RLF: variants seen among roughly 807,000 people sequenced by gnomAD.
The protein encoded by RLF is zinc finger protein Rlf.
In RLF, 7 loss-of-function variants were observed where a neutral mutation model predicts 162.9. The observed-to-expected ratio is 0.04, with a 90% CI of 0.02 to 0.08. The LOEUF (loss-of-function observed/expected upper bound fraction) is 0.08. RLF is among the 10% of genes least tolerant of loss of function. The pLI is 1.00. For missense variants in RLF, 1,664 were observed against 2,244.7 expected, an observed-to-expected ratio of 0.74 and a Z score of 5.23; for synonymous variants, 782 against 791.5, an observed-to-expected ratio of 0.99 and a Z score of 0.20.
intron 3 of RLF, among the ~76,000 whole-genome samples, chr1:40,193,211 TAAA>T (rs1323029349): frequency 6.6e-6 from 1 of 152,040 alleles, no homozygotes; most frequent in African/African-American, 2.4e-5. Context: ...ATTTCCACCT[TAAA>T]AAGAAACAAA....
At chr1:40,185,728 T>C (rs1570526973) in intron 1 of RLF, among the ~76,000 whole-genome samples, 2 of 136,010 alleles carry the variant, frequency 1.5e-5, no homozygotes, top group African/African-American at 5.6e-5. Flanking sequence ...CTTGGGAGGC[T>C]GAGGCAGGAG....
chr1:40,198,729 C>T lies in RLF; in HGVS notation c.607+2965C>T, dbSNP rs532827183. Among the ~76,000 whole-genome samples, 15 of 152,058 alleles carry T rather than the reference C, an allele frequency of 9.9e-5. 1 individual carries two copies. Among genetic ancestry groups the T allele is most frequent in the South Asian group, 2.1e-4 (1 of 4,812 alleles). ...CTGAAAAAGAGAAGGCAAAGAAATGCGGCAAACCAGTTCAATTGTTAAATC... is the reference window on the plus strand; with the variant it reads ...CTGAAAAAGAGAAGGCAAAGAAATGTGGCAAACCAGTTCAATTGTTAAATC... On this transcript the variant is annotated intron_variant, in intron 4 of 7. Coordinates refer to ENST00000372771, the MANE Select transcript of RLF (RefSeq NM_012421.4).
rs529057235 is a variant in RLF at position 40,196,219 on chromosome 1, C to T, written c.607+455C>T. 1.5e-4 allele frequency among the ~76,000 whole-genome samples: 22 copies of T among 151,638 alleles called. 1 individual carries two copies. In the East Asian group the frequency reaches 3.9e-3, roughly 27 times the overall value. ...TCCTGAATAGCTGGGATTACAGGCG[C>T]GCGCCACCACGCCTGGCTAAGTTTT... On this transcript the variant is annotated intron_variant, in intron 4 of 7. Transcript: ENST00000372771.
At chr1:40,172,830 TC>T (rs1288693107) in intron 1 of RLF, among the ~76,000 whole-genome samples, 1 of 152,156 alleles carries the variant, frequency 6.6e-6, no homozygotes, top group Non-Finnish European at 1.5e-5. Context: ...CTGTACTCTA[TC>T]CTGGGCAACA....
In RLF at chr1:40,240,086, A is replaced by C. The variant is rs781000990; in HGVS notation, c.5384A>C (p.His1795Pro). ...TTTGATGATTGGGAGCCTTCAGAGC[A>C]CTTAACATTAAGTAATTCTTCACAG... Reference protein sequence around the residue: ...DDFDDWEPSEHLTLSNSSQSS... With the variant: ...DDFDDWEPSEPLTLSNSSQSS... The change falls in exon 8 of 8, where the codon CAC (histidine) becomes CCC (proline). Residue 1795 changes from histidine to proline, a missense_variant. Coordinates refer to ENST00000372771, the MANE Select transcript of RLF (RefSeq NM_012421.4). The C allele has an allele frequency of 3.7e-6, 6 of 1,614,114 alleles. No individual in the cohort carries two copies. Among genetic ancestry groups the C allele is most frequent in the Non-Finnish European group, 5.1e-6 (6 of 1,179,958 alleles).
Position 40,217,988 on chromosome 1 carries a change from T to C in RLF, c.811-4586T>C, listed in dbSNP as rs373900414. On this transcript the variant is annotated intron_variant, in intron 5 of 7. Coordinates refer to ENST00000372771, the MANE Select transcript of RLF (RefSeq NM_012421.4). ...GTTAATACTGGTTATCATTGAGTTG[T>C]AAGATTTAAGGATAGTTTTTATTCT... Among the ~76,000 whole-genome samples the C allele has an allele frequency of 8.5e-5, 13 of 152,334 alleles. 1 individual carries two copies. The highest frequency in any genetic ancestry group is 3.9e-4 in the East Asian group (2 of 5,182).
At chr1:40,229,903 T>C (rs1227315235) in intron 6 of RLF, among the ~76,000 whole-genome samples, 3 of 151,698 alleles carry the variant, frequency 2.0e-5, no homozygotes, top group African/African-American at 7.3e-5. Flanking sequence ...TCACCTGAGG[T>C]TGGGAGTTAG....
At chr1:40,218,012 C>T (rs1349713591) in intron 5 of RLF, among the ~76,000 whole-genome samples, 2 of 152,078 alleles carry the variant, frequency 1.3e-5, no homozygotes, top group African/African-American at 2.4e-5. Flanking sequence ...AGTTTTTATT[C>T]TGTTTTCTAG....
chr1:40,165,509 AATGTC>A (rs1642152277), intron 1 of RLF, among the ~76,000 whole-genome samples: 2 of 152,114 alleles, frequency 1.3e-5, no homozygotes, highest in Non-Finnish European at 1.5e-5. Context: ...GCCCAGTATA[AATGTC>A]ATCCCTTCTG....
intron 6 of RLF, 124 bp downstream of exon 6, chr1:40,222,834 C>A: frequency 1.4e-6 from 1 of 702,500 alleles, no homozygotes. Context: ...CTTCTTGCTT[C>A]CACACACAAT....
chr1:40,187,856 T>C (rs760769465), intron 1 of RLF, among the ~76,000 whole-genome samples: 12 of 152,224 alleles, frequency 7.9e-5, no homozygotes, highest in Admixed American at 2.6e-4. Flanking sequence ...TGTAGTTGTT[T>C]AGGCAGAAAA....
chr1:40,184,472 T>A lies in RLF; in HGVS notation c.238-4583T>A, dbSNP rs559550689. Among the ~76,000 whole-genome samples, 3 of 152,212 alleles carry A rather than the reference T, an allele frequency of 2.0e-5. No individual in the cohort carries two copies. The South Asian group carries it at 6.2e-4, about 32-fold the overall frequency. On this transcript the variant is annotated intron_variant, in intron 1 of 7. Transcript: ENST00000372771. Reference sequence around the variant, plus strand: ...TGTGGTGGTTTCAAAGATAGTTTTTTAGCTCTGGCTCCTGAAAGGAGGCAG... The same window carrying A: ...TGTGGTGGTTTCAAAGATAGTTTTTAAGCTCTGGCTCCTGAAAGGAGGCAG...
At chr1:40,206,055 A>C (rs1464463832) in intron 5 of RLF, among the ~76,000 whole-genome samples, 1 of 152,088 alleles carries the variant, frequency 6.6e-6, no homozygotes, top group Non-Finnish European at 1.5e-5. Flanking sequence ...TTTTCTCTCC[A>C]GCCCTGTTCC....
rs772107109 is a variant in RLF at position 40,237,687 on chromosome 1, C to A, written c.2985C>A (p.Pro995=). Reference sequence around the variant, plus strand: ...AGATAAAGACGAAAGATCTGTTTCCCTCTTTGGGTAATGAACATAATCAGA... The same window carrying A: ...AGATAAAGACGAAAGATCTGTTTCCATCTTTGGGTAATGAACATAATCAGA... ...PKKIKTKDLF[P]SLGNEHNQTT... Residue 995 remains proline (P), a synonymous_variant, in exon 8 of 8, where the codon CCC becomes CCA. Coordinates refer to ENST00000372771, the MANE Select transcript of RLF (RefSeq NM_012421.4). The surrounding 1 kb of genome is among the most constrained non-coding windows in gnomAD (Gnocchi z 4.4). 3.1e-6 allele frequency: 5 copies of A among 1,614,128 alleles called. No homozygotes were observed. Among genetic ancestry groups the A allele is most frequent in the Non-Finnish European group, 4.2e-6 (5 of 1,179,988 alleles).
Position 40,161,410 on chromosome 1 carries a change from G to A in RLF, c.11G>A (p.Gly4Glu), listed in dbSNP as rs956879454. The A allele has an allele frequency of 3.2e-6, 5 of 1,545,318 alleles. No individual in the cohort carries two copies. The highest frequency in any genetic ancestry group is 1.4e-5 in the African/African-American group (1 of 70,780). Residue 4 changes from glycine (G) to glutamate (E), a missense_variant, in exon 1 of 8, where the codon GGA becomes GAA. This residue lies in a region of RLF where 134 missense variants were observed against 124.3 expected (regional missense o/e 1.08). Coordinates refer to ENST00000372771, the MANE Select transcript of RLF (RefSeq NM_012421.4). This position sits in a 1 kb window ranked among gnomAD's most constrained non-coding sequence, Gnocchi z 4.4. ...GTGGGCCGTGGGAAGATGGCGGACG[G>A]AAAGGGAGACGCCGCCGCTGTCGCC... Reference protein sequence around the residue: MADGKGDAAAVAGA... With the variant: MADEKGDAAAVAGA...
At chr1:40,207,389 C>T (rs61781769) in intron 5 of RLF, among the ~76,000 whole-genome samples, 2 of 152,060 alleles carry the variant, frequency 1.3e-5, no homozygotes, top group Non-Finnish European at 2.9e-5. Flanking sequence ...TTATATTTCT[C>T]TCTCTCAGCT....
chr1:40,174,473 G>A (rs897628571), intron 1 of RLF, among the ~76,000 whole-genome samples: 1 of 152,004 alleles, frequency 6.6e-6, no homozygotes, highest in Admixed American at 6.5e-5. Flanking sequence ...GCCTCATATT[G>A]CTCCCTAAAT....
intron 2 of RLF, among the ~76,000 whole-genome samples, chr1:40,190,138 G>A (rs1642536534): frequency 1.3e-5 from 2 of 152,058 alleles, no homozygotes; most frequent in African/African-American, 2.4e-5. Flanking sequence ...TCCCTAAGGG[G>A]TAAAGGATTA....
chr1:40,197,428 T>C (rs1642652677), intron 4 of RLF, among the ~76,000 whole-genome samples: 1 of 152,112 alleles, frequency 6.6e-6, no homozygotes, highest in Admixed American at 6.6e-5. Flanking sequence ...CCTATCCAGA[T>C]AAGTCTTGAC....
Sources: allele counts gnomAD v4.1 joint callset (sites outside exome capture counted in the v4.1 genomes callset), GRCh38; gene constraint gnomAD v4.1.1; regional missense constraint gnomAD v4.1.1; non-coding constraint Gnocchi (gnomAD v3.1); transcripts MANE v1.5; gene names NCBI Gene and HGNC (gene_info 2026-07-23, HGNC 2026-07-21).